Variants in GABRB1 observed in about 807,000 individuals in gnomAD.
GABRB1 encodes the protein gamma-aminobutyric acid receptor subunit beta-1.
GABRB1 carries 17 observed loss-of-function variants against 51.6 expected under a neutral mutation model. That is an observed-to-expected ratio of 0.33 (90% CI 0.23 to 0.49). The LOEUF (loss-of-function observed/expected upper bound fraction) is 0.49. Among genes scored for constraint, GABRB1 ranks in the 20% least tolerant of loss-of-function variants. The probability of loss-of-function intolerance (pLI) is 0.99; values close to 1 mark genes in which losing one functional copy is unlikely to be tolerated. For synonymous variants in GABRB1, 247 were observed against 218.9 expected (o/e 1.13, Z -1.14); for missense variants, 410 against 600.6 (o/e 0.68, Z 3.32).
intron 4 of GABRB1, among the ~76,000 whole-genome samples, chr4:47,162,152 T>C (rs1334430235): frequency 1.3e-5 from 2 of 152,030 alleles, no homozygotes; most frequent in Non-Finnish European, 2.9e-5. Context: ...TTGGGAGAAA[T>C]GGTAAAATAA....
intron 8 of GABRB1, among the ~76,000 whole-genome samples, chr4:47,424,264 T>C (rs1729189675): frequency 6.6e-6 from 1 of 152,242 alleles, no homozygotes; most frequent in Non-Finnish European, 1.5e-5. Context: ...TGGGTTCTAA[T>C]ATCAGGGCTG....
rs1553918409 is a variant in GABRB1, at chr4:47,136,517, T to TAA, written c.241-24724_241-24723dup. Among the ~76,000 whole-genome samples the TAA allele has an allele frequency of 2.5e-4, 35 of 139,024 alleles. No individual in the cohort carries two copies. The East Asian group carries it at 4.5e-3, about 18-fold the overall frequency. The allele number at this position is 139,024 out of a possible 152,430, so 91.2% of individuals were successfully genotyped here. Reference sequence around the variant, plus strand: ...GATGTCTCTCTTACAAAGACCAAATTAAAAAAAAATATATAAAAACAAAGA... The same window carrying TAA: ...GATGTCTCTCTTACAAAGACCAAATTAAAAAAAAAAATATATAAAAACAAAGA... On this transcript the variant is annotated intron_variant, in intron 3 of 8. Coordinates refer to ENST00000295454, the MANE Select transcript of GABRB1 (RefSeq NM_000812.4).
At chr4:47,195,392 GA>G (rs1719610780) in intron 4 of GABRB1, among the ~76,000 whole-genome samples, 1 of 23,818 alleles carries the variant, frequency 4.2e-5, no homozygotes, top group Non-Finnish European at 1.1e-4. Flanking sequence ...TAGATAGATA[GA>G]TGATAGATAG....
At chr4:47,063,870 A>G (rs558709344) in intron 3 of GABRB1, among the ~76,000 whole-genome samples, 14 of 151,864 alleles carry the variant, frequency 9.2e-5, no homozygotes, top group Non-Finnish European at 1.9e-4. Context: ...AACAACACAC[A>G]CTGGGGCCTG....
At chr4:47,011,766 G>A (rs187714811) in intron 1 of GABRB1, among the ~76,000 whole-genome samples, 388 of 152,070 alleles carry the variant, frequency 2.6e-3, no homozygotes, top group African/African-American at 8.7e-3. Context: ...TTTAAGATTT[G>A]TACCTAAATC....
intron 1 of GABRB1, among the ~76,000 whole-genome samples, chr4:47,024,947 T>C (rs1273836875): frequency 7.2e-6 from 1 of 138,612 alleles, no homozygotes; most frequent in Non-Finnish European, 1.5e-5. Context: ...TATATATATA[T>C]ATATGTTATT....
At chr4:47,018,063 C>G (rs1724802788) in intron 1 of GABRB1, among the ~76,000 whole-genome samples, 1 of 151,404 alleles carries the variant, frequency 6.6e-6, no homozygotes, top group Non-Finnish European at 1.5e-5. Flanking sequence ...TCCTCCTCTT[C>G]TTCCTCCTCC....
At chr4:47,147,529 G>A (rs1348704803) in intron 3 of GABRB1, among the ~76,000 whole-genome samples, 1 of 152,068 alleles carries the variant, frequency 6.6e-6, no homozygotes, top group African/African-American at 2.4e-5. Flanking sequence ...TACGCCTTTG[G>A]GAAGCCCAGG....
chr4:47,258,742 T>A (rs976363034), intron 4 of GABRB1, among the ~76,000 whole-genome samples: 1 of 152,174 alleles, frequency 6.6e-6, no homozygotes, highest in Non-Finnish European at 1.5e-5. Flanking sequence ...GAAATCACTG[T>A]GATAATTGCA....
At chr4:47,126,884 G>A (rs1716168739) in intron 3 of GABRB1, among the ~76,000 whole-genome samples, 1 of 151,930 alleles carries the variant, frequency 6.6e-6, no homozygotes, top group Non-Finnish European at 1.5e-5. Context: ...AGTAGAAAGA[G>A]GAGGTAATAA....
intron 5 of GABRB1, among the ~76,000 whole-genome samples, chr4:47,384,295 C>G (rs1430587529): frequency 2.0e-5 from 3 of 151,826 alleles, no homozygotes; most frequent in African/African-American, 7.3e-5. Context: ...TTTGCCATCA[C>G]TGATTTTGGC....
chr4:47,209,194 C>T (rs1428802707), intron 4 of GABRB1, among the ~76,000 whole-genome samples: 2 of 152,076 alleles, frequency 1.3e-5, no homozygotes, highest in Non-Finnish European at 2.9e-5. Flanking sequence ...AATTTGCCTG[C>T]CTTTCCCTTT....
chr4:47,032,358 C>T, intron 2 of GABRB1, 59 bp from the exon 3 acceptor site: 5 of 1,458,462 alleles, frequency 3.4e-6, no homozygotes, highest in East Asian at 4.6e-5. Context: ...CCCCCAGACC[C>T]TCCCCAGCCT....
At chr4:47,044,005 C>T (rs1473765432) in intron 3 of GABRB1, among the ~76,000 whole-genome samples, 3 of 152,004 alleles carry the variant, frequency 2.0e-5, no homozygotes, top group Admixed American at 2.0e-4. Context: ...ATACGTTTTC[C>T]CAGAATCAGC....
At chr4:47,125,771 G>A (rs1459612308) in intron 3 of GABRB1, among the ~76,000 whole-genome samples, 1 of 148,116 alleles carries the variant, frequency 6.8e-6, no homozygotes, top group Non-Finnish European at 1.5e-5. Context: ...TAGCCGGGAT[G>A]GTCTCAATCT....
chr4:47,322,993 A>T (rs1725139335), intron 5 of GABRB1, among the ~76,000 whole-genome samples: 1 of 151,906 alleles, frequency 6.6e-6, no homozygotes, highest in Non-Finnish European at 1.5e-5. Context: ...AACAACAACA[A>T]CAACAATAAT....
chr4:47,212,037 T>A (rs1720376984), intron 4 of GABRB1, among the ~76,000 whole-genome samples: 1 of 152,150 alleles, frequency 6.6e-6, no homozygotes, highest in Admixed American at 6.5e-5. Flanking sequence ...GACAAGGATA[T>A]CTTTAGGGAC....
chr4:47,084,918 T>C (rs990735466), intron 3 of GABRB1, among the ~76,000 whole-genome samples: 1 of 152,156 alleles, frequency 6.6e-6, no homozygotes, highest in African/African-American at 2.4e-5. Flanking sequence ...TCTATATGAC[T>C]CACTTTTTTT....
chr4:47,363,751 C>A (rs1186861475), intron 5 of GABRB1, among the ~76,000 whole-genome samples: 1 of 152,126 alleles, frequency 6.6e-6, no homozygotes, highest in Non-Finnish European at 1.5e-5. Flanking sequence ...AATCCTGCTC[C>A]TTTCTTAATG....
Sources: gnomAD v4.1 joint callset for allele counts (sites outside exome capture counted in the v4.1 genomes callset) on GRCh38, gnomAD v4.1.1 for gene constraint, MANE v1.5 for transcripts, NCBI Gene and HGNC (gene_info 2026-07-23, HGNC 2026-07-21) for gene names.